PDE4D: variants seen among roughly 807,000 people sequenced by gnomAD.
PDE4D encodes 3',5'-cyclic-AMP phosphodiesterase 4D.
PDE4D carries 24 observed loss-of-function variants against 87.4 expected under a neutral mutation model. The observed-to-expected ratio is 0.27, with a 90% CI of 0.20 to 0.39. The LOEUF (loss-of-function observed/expected upper bound fraction) is 0.39. Ranked by LOEUF, PDE4D falls within the 10% of genes least tolerant of loss-of-function variation. The pLI, the probability that PDE4D is intolerant of heterozygous loss-of-function variation, is 1.00. For missense variants in PDE4D, 714 were observed against 1,041.0 expected, an observed-to-expected ratio of 0.69 and a Z score of 4.32; for synonymous variants, 384 against 383.2, an observed-to-expected ratio of 1.00 and a Z score of -0.02.
intron 1 of PDE4D, among the ~76,000 whole-genome samples, chr5:59,455,036 G>C (rs1266945564): frequency 6.6e-6 from 1 of 152,174 alleles, no homozygotes; most frequent in Non-Finnish European, 1.5e-5. Context: ...GGGAAGCAGA[G>C]CACAAAAGTT....
intron 1 of PDE4D, among the ~76,000 whole-genome samples, chr5:59,807,184 A>C (rs1285841627): frequency 6.6e-6 from 1 of 151,422 alleles, no homozygotes; most frequent in Non-Finnish European, 1.5e-5. Flanking sequence ...TACCCCTCTT[A>C]GACCAGACAA....
At chr5:59,883,200 G>A (rs1749697044) in intron 1 of PDE4D, among the ~76,000 whole-genome samples, 1 of 152,266 alleles carries the variant, frequency 6.6e-6, no homozygotes, top group South Asian at 2.1e-4. Flanking sequence ...ACAGTTACAG[G>A]AACAGAGCAG....
intron 1 of PDE4D, among the ~76,000 whole-genome samples, chr5:59,333,070 T>A (rs1777020247): frequency 6.6e-6 from 1 of 152,228 alleles, no homozygotes; most frequent in Non-Finnish European, 1.5e-5. Flanking sequence ...CATTGAAAAC[T>A]GATATACCAA....
intron 5 of PDE4D, among the ~76,000 whole-genome samples, chr5:59,123,248 AC>A (rs1487916938): frequency 6.6e-6 from 1 of 152,186 alleles, no homozygotes; most frequent in African/African-American, 2.4e-5. Flanking sequence ...TCTGGAAGTC[AC>A]ACATAGTCTT....
rs185153773 is a variant in PDE4D at position 59,054,492 on chromosome 5, C to T, written c.809-15521G>A. 4.0e-4 allele frequency among the ~76,000 whole-genome samples: 61 copies of T among 152,102 alleles called. 1 individual carries two copies. The East Asian group carries it at 7.7e-3, about 19-fold the overall frequency. ...AAAAGGTAGAGGAGAGCAGTGGACT[C>T]CTATTTAAAGAAACTCTTGTGTTTT... is the stretch of plus-strand genomic sequence containing the variant. On this transcript the variant is annotated intron_variant, in intron 5 of 14. Transcript: ENST00000340635.
rs375079362 is a variant in PDE4D at position 59,908,983 on chromosome 5, T to G, written c.272+79505A>C. On this transcript the variant is annotated intron_variant, in intron 3 of 16. Coordinates refer to the PDE4D transcript ENST00000502484. ...AACTTGGTTTACATTTGTACATTAT[T>G]TTTATTTGCACTGGCTTTTTAAAGT... is the stretch of plus-strand genomic sequence containing the variant. Among the ~76,000 whole-genome samples the G allele has an allele frequency of 1.3e-4, 20 of 152,368 alleles. No homozygotes were observed. In the South Asian group the frequency reaches 2.7e-3, roughly 20 times the overall value.
At chr5:59,514,326 C>G (rs575342486) in intron 1 of PDE4D, among the ~76,000 whole-genome samples, 1 of 151,928 alleles carries the variant, frequency 6.6e-6, no homozygotes, top group Non-Finnish European at 1.5e-5. Flanking sequence ...AGGATGGTCT[C>G]GATCTCCTGA....
intron 1 of PDE4D, among the ~76,000 whole-genome samples, chr5:59,245,141 CA>C (rs1459640424): frequency 1.3e-5 from 2 of 152,050 alleles, no homozygotes; most frequent in Non-Finnish European, 2.9e-5. Context: ...CAGGCCTCAC[CA>C]ATGTTCCCAA....
intron 5 of PDE4D, among the ~76,000 whole-genome samples, chr5:59,088,044 G>C (rs1357808129): frequency 6.6e-6 from 1 of 152,180 alleles, no homozygotes; most frequent in Non-Finnish European, 1.5e-5. Context: ...TTCAAGCCAA[G>C]TACAATTCCT....
At chr5:60,273,220 G>A (rs1407397909) in intron 1 of PDE4D, among the ~76,000 whole-genome samples, 1 of 152,070 alleles carries the variant, frequency 6.6e-6, no homozygotes, top group Non-Finnish European at 1.5e-5. Context: ...CAGGGTCAAG[G>A]AAGTCATCTA....
chr5:59,157,813 A>T (rs1387421358), intron 5 of PDE4D, among the ~76,000 whole-genome samples: 1 of 152,220 alleles, frequency 6.6e-6, no homozygotes, highest in Admixed American at 6.5e-5. Context: ...TAACTGCTTT[A>T]ACAAGCTGGA....
chr5:60,510,446 T>C (rs1328990392), intron 1 of PDE4D, among the ~76,000 whole-genome samples: 3 of 152,340 alleles, frequency 2.0e-5, no homozygotes, highest in Non-Finnish European at 1.5e-5. Context: ...CTAGGGAGAC[T>C]ATAGATAAGA....
At chr5:60,417,923 A>G (rs1387088110) in intron 1 of PDE4D, among the ~76,000 whole-genome samples, 1 of 151,744 alleles carries the variant, frequency 6.6e-6, no homozygotes, top group Non-Finnish European at 1.5e-5. Flanking sequence ...CTAAGCTAAC[A>G]TTAAAGATAA....
rs372569035 is a variant in PDE4D, at chr5:59,399,137, G to A, written c.456-183169C>T. Among the ~76,000 whole-genome samples, 51 of 134,908 alleles carry A rather than the reference G, an allele frequency of 3.8e-4. 2 individuals carry two copies. The highest frequency in any genetic ancestry group is 1.2e-3 in the South Asian group (5 of 4,130). The allele number at this position is 134,908 out of a possible 152,430, so 88.5% of individuals were successfully genotyped here. A position where few individuals can be genotyped will look rare whatever the true frequency, so the allele number is the denominator to read the frequency against. ...CTCATGGGTAGGAAGAATCAATATC[G>A]TGAAAATGGCCATATTGCCCAAGGT... On this transcript the variant is annotated intron_variant, in intron 1 of 14. Coordinates refer to ENST00000340635, the MANE Select transcript of PDE4D (RefSeq NM_001104631.2).
At chr5:59,202,669 T>C (rs1377801552) in intron 2 of PDE4D, among the ~76,000 whole-genome samples, 1 of 152,092 alleles carries the variant, frequency 6.6e-6, no homozygotes, top group Non-Finnish European at 1.5e-5. Flanking sequence ...GTTGTTCTCA[T>C]AGTAGTGAAT....
chr5:59,730,272 C>G (rs1312754880), intron 1 of PDE4D, among the ~76,000 whole-genome samples: 4 of 152,024 alleles, frequency 2.6e-5, no homozygotes, highest in Non-Finnish European at 2.9e-5. Context: ...CCGATACGTG[C>G]AAAGCTTCGT....
At chr5:59,717,797 C>G (rs2150541166) in intron 1 of PDE4D, among the ~76,000 whole-genome samples, 1 of 152,312 alleles carries the variant, frequency 6.6e-6, no homozygotes, top group Non-Finnish European at 1.5e-5. Flanking sequence ...TACTGTAAAA[C>G]AGCAGACATT....
At position 59,493,737 on chromosome 5, in the gene PDE4D, C is replaced by T. The variant is rs117246779; in HGVS notation, c.456-277769G>A. ...CTAAGATCAGAAACTGAATGAATAA[C>T]GAGAGAGATGTGGCAGGATATTTTA... On this transcript the variant is annotated intron_variant, in intron 1 of 14. Transcript: ENST00000340635. Among the ~76,000 whole-genome samples the T allele has an allele frequency of 1.3e-4, 20 of 152,152 alleles. No homozygotes were observed. In the East Asian group the frequency reaches 3.3e-3, roughly 25 times the overall value.
intron 1 of PDE4D, among the ~76,000 whole-genome samples, chr5:59,417,403 A>G (rs958703756): frequency 1.1e-4 from 16 of 152,210 alleles, no homozygotes; most frequent in African/African-American, 3.9e-4. Flanking sequence ...AAAATAATGT[A>G]TCTAAAGATA....
Sources: allele counts gnomAD v4.1 joint callset (sites outside exome capture counted in the v4.1 genomes callset), GRCh38; gene constraint gnomAD v4.1.1; transcripts MANE v1.5; gene names NCBI Gene and HGNC (gene_info 2026-07-23, HGNC 2026-07-21).